DNAH14: variants seen among roughly 807,000 people sequenced by gnomAD.
DNAH14 encodes dynein axonemal heavy chain 14, also known as axonemal beta dynein heavy chain 14.
In DNAH14, 478 loss-of-function variants were observed where a neutral mutation model predicts 520.9. That is an observed-to-expected ratio of 0.92 (90% CI 0.85 to 0.99). The LOEUF (loss-of-function observed/expected upper bound fraction) is 0.99. Among genes scored for constraint, DNAH14 ranks in the 50% least tolerant of loss-of-function variants. The pLI is 0.00. For synonymous variants in DNAH14, 1,581 were observed against 1,757.2 expected (o/e 0.90, Z 2.51); for missense variants, 4,831 against 5,234.5 (o/e 0.92, Z 2.38).
At position 225,381,369 on chromosome 1, in the gene DNAH14, T is replaced by C; in HGVS notation, c.12881-14T>C. 6.6e-7 allele frequency: 1 copy of C among 1,525,550 alleles called. No homozygotes were observed. Among genetic ancestry groups the C allele is most frequent in the Non-Finnish European group, 8.8e-7 (1 of 1,141,210 alleles). 94.5% of individuals were successfully genotyped at this position (1,525,550 alleles called of 1,614,324 possible). On this transcript the variant is annotated splice_polypyrimidine_tract_variant and intron_variant, in intron 80 of 85. Coordinates refer to ENST00000682510, the MANE Select transcript of DNAH14 (RefSeq NM_001367479.1). ...CTGTAAAATATCAAAATTTTATTTCTTTTTAAAATCCAGATCACGACCCCC... is the reference window on the plus strand; with the variant it reads ...CTGTAAAATATCAAAATTTTATTTCCTTTTAAAATCCAGATCACGACCCCC...
At chr1:225,212,080 C>T (rs78848557) in intron 41 of DNAH14, among the ~76,000 whole-genome samples, 7,068 of 124,786 alleles carry the variant, frequency 0.057, 381 homozygotes, top group East Asian at 0.25. Context: ...AGACAGGCCC[C>T]GGTGTGTAAT....
At chr1:225,022,105 G>A (rs1266620046) in intron 10 of DNAH14, among the ~76,000 whole-genome samples, 1 of 152,134 alleles carries the variant, frequency 6.6e-6, no homozygotes. Context: ...ATTAACTCAA[G>A]ATGGATTAAA....
intron 34 of DNAH14, among the ~76,000 whole-genome samples, 191 bp from the exon 35 acceptor site, chr1:225,159,123 C>A (rs1433488734): frequency 6.6e-6 from 1 of 152,092 alleles, no homozygotes; most frequent in African/African-American, 2.4e-5. Flanking sequence ...TGTTCTAGAC[C>A]AGTCAGAGCC....
chr1:225,333,531 G>A (rs565240193), intron 66 of DNAH14, 25 bp downstream of exon 66: 1 of 1,523,806 alleles, frequency 6.6e-7, no homozygotes, highest in Non-Finnish European at 8.9e-7. Context: ...CTATTATCCA[G>A]TTAAGTGGCT....
intron 17 of DNAH14, among the ~76,000 whole-genome samples, chr1:225,076,731 C>T (rs1214914332): frequency 2.0e-5 from 3 of 152,074 alleles, no homozygotes; most frequent in Non-Finnish European, 2.9e-5. Context: ...GCTCTTTGTC[C>T]TGGGTGTATT....
rs114728684 is a variant in DNAH14, at chr1:225,101,775, G to T, written c.3867+891G>T. 3.6e-3 allele frequency among the ~76,000 whole-genome samples: 555 copies of T among 152,118 alleles called. 4 individuals carry two copies. Among genetic ancestry groups the T allele is most frequent in the Non-Finnish European group, 6.6e-3 (450 of 67,994 alleles). ...CATTCATCTGTTTACAGACACTTGGGTTGCTTCCAAATTTTGGTTATTGTG... is the reference window on the plus strand; with the variant it reads ...CATTCATCTGTTTACAGACACTTGGTTTGCTTCCAAATTTTGGTTATTGTG... On this transcript the variant is annotated intron_variant, in intron 23 of 85. Coordinates refer to ENST00000682510, the MANE Select transcript of DNAH14 (RefSeq NM_001367479.1).
At position 225,001,374 on chromosome 1, in the gene DNAH14, T is replaced by C. The variant is rs1373028960; in HGVS notation, c.831-1409T>C. ...GAATCCAGTACCTGAGTAGTAATAG[T>C]CTTTTGTGATATGTTCCCTAATACC... On this transcript the variant is annotated intron_variant, in intron 8 of 85. Coordinates refer to ENST00000682510, the MANE Select transcript of DNAH14 (RefSeq NM_001367479.1). 1.6e-4 allele frequency among the ~76,000 whole-genome samples: 24 copies of C among 152,172 alleles called. 1 individual carries two copies. The highest frequency in any genetic ancestry group is 1.6e-3 in the Admixed American group (24 of 15,262).
At position 225,272,031 on chromosome 1, in the gene DNAH14, A is replaced by T. The variant is rs1372526563; in HGVS notation, c.7797A>T (p.Pro2599=). ...HQVRQNMLPT[P]TKCHYMFNLR... The stretch of plus-strand genomic sequence containing the variant: ...TACGTCAGAATATGTTACCAACTCC[A>T]ACAAAATGTCACTACATGTTTAATC... Residue 2599 remains proline (P), a synonymous_variant, in exon 51 of 86, where the codon CCA becomes CCT. Coordinates refer to ENST00000682510, the MANE Select transcript of DNAH14 (RefSeq NM_001367479.1). 6.4e-7 allele frequency: 1 copy of T among 1,550,728 alleles called. No individual in the cohort carries two copies. The highest frequency in any genetic ancestry group is 8.7e-7 in the Non-Finnish European group (1 of 1,146,590).
At chr1:225,310,182 T>G (rs555265115) in intron 60 of DNAH14, among the ~76,000 whole-genome samples, 218 of 152,092 alleles carry the variant, frequency 1.4e-3, no homozygotes, top group African/African-American at 5.1e-3. Flanking sequence ...TGCATGGTTT[T>G]GTTTTGTTTT....
At chr1:225,036,043 G>C (rs1479326174) in intron 11 of DNAH14, among the ~76,000 whole-genome samples, 1 of 152,126 alleles carries the variant, frequency 6.6e-6, no homozygotes, top group Non-Finnish European at 1.5e-5. Flanking sequence ...AGTCAAGACA[G>C]GTTTATTTTA....
At position 224,974,155 on chromosome 1, in the gene DNAH14, TAA is replaced by T; in HGVS notation, c.830+3_830+4del. The stretch of plus-strand genomic sequence containing the variant: ...AAGAATTAAGACAGAGAAGAGCAGG[TAA>T]GTTTTGATACGCAATATATAAAAAT... On this transcript the variant is annotated splice_donor_region_variant and intron_variant, in intron 8 of 85. Transcript: ENST00000682510. The T allele has an allele frequency of 6.8e-7, 1 of 1,466,174 alleles. No homozygotes were observed. The highest frequency in any genetic ancestry group is 1.5e-5 in the South Asian group (1 of 68,598). The allele number at this position is 1,466,174 out of a possible 1,614,324, so 90.8% of individuals were successfully genotyped here.
In DNAH14 at chr1:225,123,514, T is replaced by G; in HGVS notation, c.4167-13T>G. ...TAAGTATAAATAACATAAATAAATT[T>G]TTTAATTTGTAGATTTTTAAGTCAA... On this transcript the variant is annotated splice_polypyrimidine_tract_variant and intron_variant, in intron 26 of 85. Coordinates refer to ENST00000682510, the MANE Select transcript of DNAH14 (RefSeq NM_001367479.1). 1 of 412,368 alleles carries G rather than the reference T, an allele frequency of 2.4e-6. No homozygotes were observed. Among genetic ancestry groups the G allele is most frequent in the South Asian group, 2.0e-5 (1 of 50,210 alleles). The allele number at this position is 412,368 out of a possible 1,614,324, so 25.5% of individuals were successfully genotyped here. A position where few individuals can be genotyped will look rare whatever the true frequency, so the allele number is the denominator to read the frequency against.
intron 17 of DNAH14, among the ~76,000 whole-genome samples, chr1:225,053,711 T>C (rs980105519): frequency 2.0e-5 from 3 of 152,192 alleles, no homozygotes; most frequent in Non-Finnish European, 4.4e-5. Context: ...AATTATGTTT[T>C]CAGGTTTTGG....
chr1:225,272,089 C>T lies in DNAH14; in HGVS notation c.7839+16C>T, dbSNP rs761665734. On this transcript the variant is annotated intron_variant, in intron 51 of 85. Coordinates refer to ENST00000682510, the MANE Select transcript of DNAH14 (RefSeq NM_001367479.1). ...TATGTTTAAGGTTTGTTTTAATGTT[C>T]ATTCTCTAGTTTATTTTTTAAATAT... is the stretch of plus-strand genomic sequence containing the variant. The T allele has an allele frequency of 2.6e-6, 4 of 1,536,474 alleles. No homozygotes were observed. The highest frequency in any genetic ancestry group is 1.2e-5 in the South Asian group (1 of 82,030).
At chr1:225,158,669 G>C (rs1171937996) in intron 34 of DNAH14, among the ~76,000 whole-genome samples, 1 of 152,122 alleles carries the variant, frequency 6.6e-6, no homozygotes, top group East Asian at 1.9e-4. Flanking sequence ...CTGTGGCTTT[G>C]ACACACAACC....
chr1:224,975,393 A>T (rs1011093792), intron 8 of DNAH14, among the ~76,000 whole-genome samples: 84 of 152,000 alleles, frequency 5.5e-4, no homozygotes, highest in Admixed American at 8.5e-4. Flanking sequence ...GATTATTGCC[A>T]CAATTTCAGA....
intron 49 of DNAH14, among the ~76,000 whole-genome samples, chr1:225,268,282 T>C (rs1331072599): frequency 3.9e-5 from 6 of 152,190 alleles, no homozygotes; most frequent in African/African-American, 1.4e-4. Flanking sequence ...TCAACAACCC[T>C]TCATGCTAAA....
At position 225,043,998 on chromosome 1, in the gene DNAH14, A is replaced by G. The variant is rs1212849521; in HGVS notation, c.1912+15A>G. ...AAAATGTATAAGTAAGTGTTTTTAAAGCTTAGTGAAATGCATTGTCTTCTT... is the reference window on the plus strand; with the variant it reads ...AAAATGTATAAGTAAGTGTTTTTAAGGCTTAGTGAAATGCATTGTCTTCTT... On this transcript the variant is annotated intron_variant, in intron 15 of 85. Transcript: ENST00000682510. 2.1e-6 allele frequency: 3 copies of G among 1,405,910 alleles called. No homozygotes were observed. The highest frequency in any genetic ancestry group is 5.0e-5 in the East Asian group (2 of 39,870). 87.1% of individuals were successfully genotyped at this position (1,405,910 alleles called of 1,614,324 possible).
chr1:224,946,634 A>G (rs530500355), intron 1 of DNAH14, among the ~76,000 whole-genome samples: 1 of 152,162 alleles, frequency 6.6e-6, no homozygotes, highest in African/African-American at 2.4e-5. Flanking sequence ...TAAATTCCTA[A>G]TTTTAATACA....
Sources: gnomAD v4.1 joint callset for allele counts (sites outside exome capture counted in the v4.1 genomes callset) on GRCh38, gnomAD v4.1.1 for gene constraint, MANE v1.5 for transcripts, NCBI Gene and HGNC (gene_info 2026-07-23, HGNC 2026-07-21) for gene names.